Variants in DEK observed in about 807,000 individuals in gnomAD.
The protein encoded by DEK is DEK proto-oncogene.
A neutral mutation model predicts 46.8 loss-of-function variants in DEK; 28 were observed. That is an observed-to-expected ratio of 0.60 (90% CI 0.44 to 0.82). The LOEUF (loss-of-function observed/expected upper bound fraction) is 0.82, where lower values mean the gene tolerates loss of function less well. Among genes scored for constraint, DEK ranks in the 40% least tolerant of loss-of-function variants. DEK has a pLI of 0.00. For synonymous variants in DEK, 160 were observed against 144.5 expected (o/e 1.11, Z -0.77); for missense variants, 416 against 430.6 (o/e 0.97, Z 0.30).
At position 18,264,427 on chromosome 6, in the gene DEK, G is replaced by A. The variant is rs9383352; in HGVS notation, c.-52C>T. On this transcript the variant is annotated 5_prime_UTR_variant, in exon 1 of 11. Transcript: ENST00000652689. ...GCGGGCCTGGCACGCGAGGGCACGA[G>A]GAGGTTCTGGGAGGCGGCGGCGGCC... is the stretch of plus-strand genomic sequence containing the variant. 48,381 of 270,598 alleles carry A rather than the reference G, an allele frequency of 0.18. 5,044 individuals carry two copies. The highest frequency in any genetic ancestry group is 0.25 in the East Asian group (1,705 of 6,834). 16.8% of individuals were successfully genotyped at this position (270,598 alleles called of 1,614,324 possible). A position where few individuals can be genotyped will look rare whatever the true frequency, so the allele number is the denominator to read the frequency against.
At chr6:18,250,627 C>T (rs1168086727) in intron 6 of DEK, among the ~76,000 whole-genome samples, 2 of 105,568 alleles carry the variant, frequency 1.9e-5, no homozygotes, top group Non-Finnish European at 3.4e-5. Flanking sequence ...TGTGCAGTAG[C>T]TGGGATTACA....
At chr6:18,226,910 T>C (rs952811573) in intron 9 of DEK, among the ~76,000 whole-genome samples, 1 of 152,230 alleles carries the variant, frequency 6.6e-6, no homozygotes. Flanking sequence ...CTGTGTCAAC[T>C]CAGGGTGAAA....
intron 7 of DEK, among the ~76,000 whole-genome samples, chr6:18,242,876 T>A (rs565469619): frequency 6.6e-6 from 1 of 152,274 alleles, no homozygotes; most frequent in African/African-American, 2.4e-5. Context: ...ATATGTGAAA[T>A]TGTGAAGGGA....
intron 7 of DEK, among the ~76,000 whole-genome samples, chr6:18,247,612 AC>A (rs1254605864): frequency 6.6e-6 from 1 of 152,096 alleles, no homozygotes; most frequent in Non-Finnish European, 1.5e-5. Context: ...AAGTTCAACT[AC>A]CTCTACAGAA....
rs768559077 is a variant in DEK, at chr6:18,249,854, A to AT, written c.574-16dup. Reference sequence around the variant, plus strand: ...TTCGGCAATGGCTGCATAAAAATTTATAAAGATAACACCAATGAGGTATAA... The same window carrying AT: ...TTCGGCAATGGCTGCATAAAAATTTATTAAAGATAACACCAATGAGGTATAA... On this transcript the variant is annotated splice_polypyrimidine_tract_variant and intron_variant, in intron 6 of 10. Transcript: ENST00000652689. 6.9e-6 allele frequency: 11 copies of AT among 1,586,952 alleles called. No homozygotes were observed. In the Admixed American group the frequency reaches 7.7e-5, roughly 11 times the overall value.
intron 2 of DEK, among the ~76,000 whole-genome samples, chr6:18,259,311 C>T (rs1034933534): frequency 7.3e-6 from 1 of 136,966 alleles, no homozygotes; most frequent in Non-Finnish European, 1.5e-5. Context: ...AGGAGAAAGG[C>T]ATGAACCCAG....
intron 9 of DEK, among the ~76,000 whole-genome samples, chr6:18,228,536 G>A (rs560380151): frequency 6.6e-6 from 1 of 152,172 alleles, no homozygotes; most frequent in South Asian, 2.1e-4. Context: ...ACAGGACAGT[G>A]GGTGCAGCCA....
At position 18,237,648 on chromosome 6, in the gene DEK, T is replaced by G. The variant is rs200808015; in HGVS notation, c.763-132A>C. 1.6e-5 allele frequency: 20 copies of G among 1,252,164 alleles called. No individual in the cohort carries two copies. In the East Asian group the frequency reaches 4.7e-4, roughly 29 times the overall value. 77.6% of individuals were successfully genotyped at this position (1,252,164 alleles called of 1,614,324 possible). A position where few individuals can be genotyped will look rare whatever the true frequency, so the allele number is the denominator to read the frequency against. ...ATATTTGGTATCAGCAATTAAAAAT[T>G]CTTTTTGAGAGATGACTAATATACA... On this transcript the variant is annotated intron_variant, in intron 7 of 10. Transcript: ENST00000652689.
chr6:18,248,723 T>G (rs1791231333), intron 7 of DEK, among the ~76,000 whole-genome samples: 1 of 152,186 alleles, frequency 6.6e-6, no homozygotes, highest in Admixed American at 6.5e-5. Flanking sequence ...ACTATATCTT[T>G]ATTCCTTCTA....
chr6:18,227,376 T>C (rs1371634278), intron 9 of DEK, among the ~76,000 whole-genome samples: 1 of 152,236 alleles, frequency 6.6e-6, no homozygotes, highest in African/African-American at 2.4e-5. Context: ...GAGATGTTTA[T>C]GTGTATGCAT....
chr6:18,257,625 A>G (rs1465237249), intron 4 of DEK, among the ~76,000 whole-genome samples: 2 of 152,102 alleles, frequency 1.3e-5, no homozygotes, highest in African/African-American at 4.8e-5. Flanking sequence ...CTTAAGCGGG[A>G]GGAACACTTG....
At chr6:18,234,059 CCAT>C (rs1298174761) in intron 9 of DEK, among the ~76,000 whole-genome samples, 1 of 151,860 alleles carries the variant, frequency 6.6e-6, no homozygotes, top group African/African-American at 2.4e-5. Context: ...AAGCTGGAAA[CCAT>C]CATTCTCAGC....
In DEK at chr6:18,249,708, A is replaced by C. The variant is rs770218067; in HGVS notation, c.705T>G (p.Asp235Glu). The C allele has an allele frequency of 1.9e-6, 3 of 1,604,742 alleles. No individual in the cohort carries two copies. The highest frequency in any genetic ancestry group is 1.3e-5 in the African/African-American group (1 of 74,148). Residue 235 changes from aspartate (D) to glutamate (E), a missense_variant, in exon 7 of 11, where the codon GAT becomes GAG. Asp to Glu is a conservative substitution (Grantham distance 45). Transcript: ENST00000652689. ...AAGACTCTTCCTTGTTTTTCTTTTC[A>C]TCTTCATCACTACTAGATTCATCTG... ...ILSDESSSDE[D>E]EKKNKEESSD...
At chr6:18,249,898 T>C (rs533180195) in intron 6 of DEK, 59 bp from the exon 7 acceptor site, 1 of 1,495,272 alleles carries the variant, frequency 6.7e-7, no homozygotes, top group East Asian at 2.4e-5. Context: ...TCAATTCTCT[T>C]CTTGAAAACT....
chr6:18,247,414 A>T (rs541677672), intron 7 of DEK, among the ~76,000 whole-genome samples: 19 of 152,304 alleles, frequency 1.2e-4, no homozygotes, highest in African/African-American at 4.3e-4. Flanking sequence ...TCATACACCT[A>T]ATGTCTGAAA....
At chr6:18,239,455 C>G (rs550624912) in intron 7 of DEK, among the ~76,000 whole-genome samples, 1 of 151,070 alleles carries the variant, frequency 6.6e-6, no homozygotes, top group Non-Finnish European at 1.5e-5. Flanking sequence ...CAGGCACACA[C>G]CACCTCACCT....
At chr6:18,256,577 C>G in intron 4 of DEK, 122 bp from the exon 5 acceptor site, 1 of 691,126 alleles carries the variant, frequency 1.4e-6, no homozygotes. Context: ...ACAATACTGG[C>G]TGAACAGTCA....
chr6:18,255,650 T>A, intron 6 of DEK, 81 bp downstream of exon 6: 1 of 1,479,622 alleles, frequency 6.8e-7, no homozygotes, highest in East Asian at 2.3e-5. Context: ...CTGACAGCAA[T>A]GCTGTTATTA....
At chr6:18,239,893 A>G (rs1290753437) in intron 7 of DEK, among the ~76,000 whole-genome samples, 2 of 152,204 alleles carry the variant, frequency 1.3e-5, no homozygotes, top group Admixed American at 6.5e-5. Flanking sequence ...TAATACACAG[A>G]ATACAATAAT....
Sources: allele counts gnomAD v4.1 joint callset (sites outside exome capture counted in the v4.1 genomes callset), GRCh38; gene constraint gnomAD v4.1.1; transcripts MANE v1.5; gene names NCBI Gene and HGNC (gene_info 2026-07-23, HGNC 2026-07-21).